The following ABCB1 variants were observed in gnomAD, a reference collection of about 807,000 sequenced individuals.
ABCB1 encodes ATP binding cassette subfamily B member 1, also known as ATP-dependent translocase ABCB1.
In ABCB1, 69 loss-of-function variants were observed where a neutral mutation model predicts 142.0. That is an observed-to-expected ratio of 0.49 (90% CI 0.40 to 0.59). The LOEUF is 0.59. Ranked by LOEUF, ABCB1 falls within the 20% of genes least tolerant of loss-of-function variation. The pLI is 0.00. For synonymous variants in ABCB1, 532 were observed against 539.2 expected (o/e 0.99, Z 0.18); for missense variants, 1,326 against 1,554.7 (o/e 0.85, Z 2.47).
chr7:87,626,349 A>ATATATGTGTCG (rs1820532565), intron 1 of ABCB1, among the ~76,000 whole-genome samples: 1 of 31,058 alleles, frequency 3.2e-5, no homozygotes, highest in African/African-American at 2.5e-4. Context: ...TATGTGTCAT[A>ATATATGTGTCG]TATATGTGTC....
At chr7:87,629,730 G>T (rs1273138065) in intron 1 of ABCB1, among the ~76,000 whole-genome samples, 3 of 151,952 alleles carry the variant, frequency 2.0e-5, no homozygotes, top group Non-Finnish European at 4.4e-5. Flanking sequence ...TTCGAGACCA[G>T]CCTGGCCAAC....
At chr7:87,511,889 G>A (rs186671999) in intron 25 of ABCB1, among the ~76,000 whole-genome samples, 23 of 152,286 alleles carry the variant, frequency 1.5e-4, no homozygotes, top group African/African-American at 5.5e-4. Context: ...GGGAGAGACT[G>A]GAAAGGGGAG....
chr7:87,612,923 A>G lies in ABCB1; in HGVS notation c.-330-11845T>C, dbSNP rs529240115. 6.0e-5 allele frequency among the ~76,000 whole-genome samples: 9 copies of G among 151,244 alleles called. No homozygotes were observed. The East Asian group carries it at 1.6e-3, about 26-fold the overall frequency. ...GGATGTATTTCCATTTGTTTGTGCC[A>G]TCTATGATTTCTTTCTGCAGTGTTT... On this transcript the variant is annotated intron_variant, in intron 1 of 28. Transcript: ENST00000265724.
At position 87,712,545 on chromosome 7, in the gene ABCB1, A is replaced by G. The variant is rs28381719; in HGVS notation, c.-331+616T>C. On this transcript the variant is annotated intron_variant, in intron 1 of 28. Transcript: ENST00000265724. Reference sequence around the variant, plus strand: ...AGTCTTTTCCAAATAGAAATTAAATAATTAATAATCTCTCTAAATTGTTAG... The same window carrying G: ...AGTCTTTTCCAAATAGAAATTAAATGATTAATAATCTCTCTAAATTGTTAG... 1.0e-3 allele frequency among the ~76,000 whole-genome samples: 159 copies of G among 152,224 alleles called. No homozygotes were observed. The Middle Eastern group carries it at 0.014, about 13-fold the overall frequency.
intron 1 of ABCB1, among the ~76,000 whole-genome samples, chr7:87,700,754 G>T (rs1828959306): frequency 1.3e-5 from 2 of 152,128 alleles, no homozygotes; most frequent in South Asian, 4.1e-4. Context: ...GAACCCTGAA[G>T]ATGTCCAAGA....
rs754525797 is a variant in ABCB1, at chr7:87,545,905, G to C, written c.1845C>G (p.Leu615=). Residue 615 remains leucine, a synonymous_variant, in exon 15 of 28, where the codon CTC becomes CTG. Coordinates refer to ENST00000622132, the MANE Select transcript of ABCB1 (RefSeq NM_001348946.2). The part of the protein sequence containing the change: ...VIVEKGNHDE[L]MKEKGIYFKL... ...TGAAGTAAATGCCTTTCTCTTTCAT[G>C]AGTTCATCATGATTTCCTTTCTCCA... 1 of 1,614,146 alleles carries C rather than the reference G, an allele frequency of 6.2e-7. No individual in the cohort carries two copies. The highest frequency in any genetic ancestry group is 1.1e-5 in the South Asian group (1 of 91,078).
At chr7:87,606,674 T>C (rs1212729187) in intron 1 of ABCB1, among the ~76,000 whole-genome samples, 2 of 152,136 alleles carry the variant, frequency 1.3e-5, no homozygotes, top group Non-Finnish European at 2.9e-5. Flanking sequence ...TAATATTCAC[T>C]ATATCAAGCA....
At chr7:87,647,743 A>G (rs1009866451) in intron 1 of ABCB1, among the ~76,000 whole-genome samples, 2 of 152,126 alleles carry the variant, frequency 1.3e-5, no homozygotes, top group East Asian at 3.9e-4. Flanking sequence ...ACAAACCATT[A>G]CATAACTAAC....
At position 87,520,879 on chromosome 7, in the gene ABCB1, G is replaced by A; in HGVS notation, c.2686-3C>T. ...TTTTCTATTGCTTCAGTAGCGATCT[G>A]TAACAGACAGCACCGATCACCAAGA... On this transcript the variant is annotated splice_region_variant and splice_polypyrimidine_tract_variant and intron_variant, in intron 21 of 27. Transcript: ENST00000622132. 1 of 1,612,028 alleles carries A rather than the reference G, an allele frequency of 6.2e-7. No individual in the cohort carries two copies. Among genetic ancestry groups the A allele is most frequent in the East Asian group, 2.2e-5 (1 of 44,838 alleles).
chr7:87,521,779 A>G, intron 21 of ABCB1: 1 of 806,538 alleles, frequency 1.2e-6, no homozygotes, highest in Non-Finnish European at 2.2e-6. Context: ...AACTGTGAAA[A>G]AGATATTTGT....
chr7:87,631,477 G>A (rs1284253915), intron 1 of ABCB1, among the ~76,000 whole-genome samples: 2 of 152,058 alleles, frequency 1.3e-5, no homozygotes, highest in African/African-American at 2.4e-5. Flanking sequence ...TGCAAGCTCC[G>A]CCTCCCGGGT....
chr7:87,585,507 C>A lies in ABCB1; in HGVS notation c.286+5G>T. 1 of 1,613,226 alleles carries A rather than the reference C, an allele frequency of 6.2e-7. No homozygotes were observed. Among genetic ancestry groups the A allele is most frequent in the Non-Finnish European group, 8.5e-7 (1 of 1,179,696 alleles). On this transcript the variant is annotated splice_donor_5th_base_variant and intron_variant, in intron 4 of 27. Transcript: ENST00000622132. ...CAATAAAATTGGTACACAAACAATA[C>A]TTACTTCTATTAGTGATGTTTGACA...
chr7:87,691,771 A>G (rs1456615806), intron 1 of ABCB1, among the ~76,000 whole-genome samples: 1 of 152,192 alleles, frequency 6.6e-6, no homozygotes, highest in Non-Finnish European at 1.5e-5. Flanking sequence ...CTAACCAACC[A>G]GGAAATACAA....
intron 13 of ABCB1, 125 bp from the exon 14 acceptor site, chr7:87,549,643 C>T (rs1448022771): frequency 4.1e-6 from 6 of 1,479,050 alleles, no homozygotes; most frequent in Non-Finnish European, 5.6e-6. Context: ...TTCTTTAAAT[C>T]TTATTTAACA....
At chr7:87,574,917 C>T (rs1057418555) in intron 4 of ABCB1, among the ~76,000 whole-genome samples, 2 of 152,120 alleles carry the variant, frequency 1.3e-5, no homozygotes, top group Non-Finnish European at 2.9e-5. Context: ...ATATCCAGTG[C>T]CCAACCTGTT....
In ABCB1 at chr7:87,670,655, T is replaced by C. The variant is rs531647235; in HGVS notation, c.-331+42506A>G. On this transcript the variant is annotated intron_variant, in intron 1 of 28. Coordinates refer to the ABCB1 transcript ENST00000265724. ...TAAGTATAGTCAACAGACTTCTCTT[T>C]TGGATGTTTTCACCAGGCCAAGGCT... Among the ~76,000 whole-genome samples the C allele has an allele frequency of 9.8e-5, 15 of 152,342 alleles. No homozygotes were observed. The South Asian group carries it at 2.9e-3, about 29-fold the overall frequency.
At chr7:87,641,418 G>C (rs912854480) in intron 1 of ABCB1, among the ~76,000 whole-genome samples, 1 of 152,128 alleles carries the variant, frequency 6.6e-6, no homozygotes, top group Non-Finnish European at 1.5e-5. Flanking sequence ...ATCCAGACTA[G>C]GTTTTAACCA....
chr7:87,556,294 T>G (rs932145983), intron 8 of ABCB1, among the ~76,000 whole-genome samples: 8 of 152,238 alleles, frequency 5.3e-5, no homozygotes, highest in African/African-American at 1.7e-4. Context: ...CCAACAGAAA[T>G]AAATATTAAT....
In ABCB1 at chr7:87,568,245, T is replaced by TAATAATAATAATAATAAC. The variant is rs773965042; in HGVS notation, c.339-1270_339-1269insGTTATTATTATTATTATT. Among the ~76,000 whole-genome samples, 966 of 128,480 alleles carry TAATAATAATAATAATAAC rather than the reference T, an allele frequency of 7.5e-3. 10 individuals are homozygous for TAATAATAATAATAATAAC. Among genetic ancestry groups the TAATAATAATAATAATAAC allele is most frequent in the Non-Finnish European group, 0.012 (739 of 61,492 alleles). The allele number at this position is 128,480 out of a possible 152,430, so 84.3% of individuals were successfully genotyped here. A position where few individuals can be genotyped will look rare whatever the true frequency, so the allele number is the denominator to read the frequency against. On this transcript the variant is annotated intron_variant, in intron 5 of 27. Coordinates refer to ENST00000622132, the MANE Select transcript of ABCB1 (RefSeq NM_001348946.2). ...CCCGTCTCTACTAAAAATACGACAA[T>TAATAATAATAATAATAAC]AATAATAATAATAATAATAATAAAA...
Sources: gnomAD v4.1 joint callset for allele counts (sites outside exome capture counted in the v4.1 genomes callset) on GRCh38, gnomAD v4.1.1 for gene constraint, MANE v1.5 for transcripts, NCBI Gene and HGNC (gene_info 2026-07-23, HGNC 2026-07-21) for gene names.